DLGAP1: variants seen among roughly 807,000 people sequenced by gnomAD.
The protein encoded by DLGAP1 is DLG associated protein 1.
A neutral mutation model predicts 90.8 loss-of-function variants in DLGAP1; 11 were observed. The ratio of observed to expected loss-of-function variants is 0.12; its 90% confidence interval spans 0.08 to 0.20. The LOEUF (loss-of-function observed/expected upper bound fraction) is 0.20. Among genes scored for constraint, DLGAP1 ranks in the 10% least tolerant of loss-of-function variants. The pLI, the probability that DLGAP1 is intolerant of heterozygous loss-of-function variation, is 1.00. For synonymous variants in DLGAP1, 558 were observed against 540.7 expected (o/e 1.03, Z -0.44); for missense variants, 1,050 against 1,333.8 (o/e 0.79, Z 3.31).
At chr18:4,109,975 C>T (rs887511712) in intron 2 of DLGAP1, among the ~76,000 whole-genome samples, 4 of 151,562 alleles carry the variant, frequency 2.6e-5, no homozygotes, top group Non-Finnish European at 5.9e-5. Flanking sequence ...TGTATACATA[C>T]ATATATGTTT....
chr18:3,547,039 C>T (rs1237794), intron 9 of DLGAP1, among the ~76,000 whole-genome samples: 3 of 151,838 alleles, frequency 2.0e-5, no homozygotes, highest in Non-Finnish European at 4.4e-5. Flanking sequence ...CGGTGGCTCA[C>T]GCCTGTAATC....
At chr18:3,582,420 C>G (rs2055573419) in intron 7 of DLGAP1, among the ~76,000 whole-genome samples, 172 bp from the exon 8 acceptor site, 1 of 152,070 alleles carries the variant, frequency 6.6e-6, no homozygotes, top group Non-Finnish European at 1.5e-5. Context: ...TGGTTTGGGT[C>G]TCCTCTGAGG....
At chr18:4,210,148 T>C (rs1157290) in intron 1 of DLGAP1, among the ~76,000 whole-genome samples, 94,307 of 152,038 alleles carry the variant, frequency 0.62, 29,767 homozygotes, top group East Asian at 0.82. Flanking sequence ...TCTCATGAAT[T>C]GTAATTTTAA....
chr18:3,606,278 G>A (rs1273388176), intron 7 of DLGAP1, among the ~76,000 whole-genome samples: 2 of 152,066 alleles, frequency 1.3e-5, no homozygotes, highest in Non-Finnish European at 2.9e-5. Context: ...ATGAAACTGG[G>A]CCCCGCTTCT....
chr18:4,062,501 C>T (rs1364010233), intron 2 of DLGAP1, among the ~76,000 whole-genome samples: 1 of 152,106 alleles, frequency 6.6e-6, no homozygotes, highest in Non-Finnish European at 1.5e-5. Flanking sequence ...CCAACTCATA[C>T]ATGTATTTGA....
chr18:3,845,581 C>T, intron 4 of DLGAP1: 1 of 985,466 alleles, frequency 1.0e-6, no homozygotes, highest in Non-Finnish European at 1.2e-6. Flanking sequence ...GGCATGCTCA[C>T]TGTCCCAGCA....
At position 3,902,725 on chromosome 18, in the gene DLGAP1, GTCAGACAT is replaced by G. The variant is rs540125389; in HGVS notation, c.-72-22593_-72-22586del. Among the ~76,000 whole-genome samples the G allele has an allele frequency of 2.6e-5, 4 of 152,256 alleles. No individual in the cohort carries two copies. In the South Asian group the frequency reaches 8.3e-4, roughly 32 times the overall value. On this transcript the variant is annotated intron_variant, in intron 3 of 12. Transcript: ENST00000315677. ...AAAACTAAAAGACATTTTAGTTTTA[GTCAGACAT>G]TCAAAGTCCTCCAGAAGCTGGCTCC...
intron 1 of DLGAP1, among the ~76,000 whole-genome samples, chr18:4,416,426 A>C (rs1478658567): frequency 3.3e-5 from 5 of 152,192 alleles, no homozygotes; most frequent in South Asian, 2.1e-4. Flanking sequence ...TGAAAAATAA[A>C]GGAATTACAG....
At chr18:4,275,114 G>A (rs1204096563) in intron 1 of DLGAP1, among the ~76,000 whole-genome samples, 1 of 152,170 alleles carries the variant, frequency 6.6e-6, no homozygotes, top group Non-Finnish European at 1.5e-5. Context: ...TACTAGTAAT[G>A]AGAGAGTATC....
intron 1 of DLGAP1, among the ~76,000 whole-genome samples, chr18:4,245,924 A>G (rs2078644839): frequency 6.8e-6 from 1 of 146,596 alleles, no homozygotes; most frequent in African/African-American, 2.4e-5. Context: ...GCAAGTCTCC[A>G]AGTCATCCTC....
chr18:3,911,256 T>C (rs1245009269), intron 3 of DLGAP1, among the ~76,000 whole-genome samples: 1 of 152,208 alleles, frequency 6.6e-6, no homozygotes. Flanking sequence ...TGCACAGTAG[T>C]TGGCTTATCA....
At chr18:4,234,494 A>G (rs1036863773) in intron 1 of DLGAP1, among the ~76,000 whole-genome samples, 2 of 152,186 alleles carry the variant, frequency 1.3e-5, no homozygotes, top group Admixed American at 1.3e-4. Flanking sequence ...TTTCAAATGT[A>G]TAAACTCTTC....
At chr18:3,803,986 A>G (rs1166678982) in intron 5 of DLGAP1, among the ~76,000 whole-genome samples, 1 of 81,828 alleles carries the variant, frequency 1.2e-5, no homozygotes, top group Non-Finnish European at 2.6e-5. Context: ...ATATATATAT[A>G]TATATATATA....
intron 3 of DLGAP1, among the ~76,000 whole-genome samples, chr18:3,990,413 T>A (rs1568337843): frequency 7.0e-6 from 1 of 143,822 alleles, no homozygotes. Flanking sequence ...ATGTTCTCAC[T>A]CATAGGTGGG....
intron 7 of DLGAP1, among the ~76,000 whole-genome samples, chr18:3,617,500 T>C (rs973752454): frequency 6.7e-6 from 1 of 149,736 alleles, no homozygotes; most frequent in Non-Finnish European, 1.5e-5. Context: ...CTTGGGAGGC[T>C]GAGGCAGAAG....
chr18:4,362,783 T>G (rs1234150270), intron 1 of DLGAP1, among the ~76,000 whole-genome samples: 1 of 152,058 alleles, frequency 6.6e-6, no homozygotes, highest in Non-Finnish European at 1.5e-5. Flanking sequence ...ATGAAAATGT[T>G]CAAAAATAAC....
At chr18:3,726,070 TG>T (rs2062165393) in intron 7 of DLGAP1, among the ~76,000 whole-genome samples, 1 of 152,158 alleles carries the variant, frequency 6.6e-6, no homozygotes, top group East Asian at 1.9e-4. Flanking sequence ...ACCTAATAAG[TG>T]CAGTTGACAA....
rs945336462 is a variant in DLGAP1, at chr18:3,786,970, T to C, written c.1172+27089A>G. Reference sequence around the variant, plus strand: ...GTGTGTTGTTCGCATTTTTACATTGTCTTAGATGAAAGCAGTGAATAAGTA... The same window carrying C: ...GTGTGTTGTTCGCATTTTTACATTGCCTTAGATGAAAGCAGTGAATAAGTA... On this transcript the variant is annotated intron_variant, in intron 5 of 12. Coordinates refer to ENST00000315677, the MANE Select transcript of DLGAP1 (RefSeq NM_004746.4). 1.2e-4 allele frequency among the ~76,000 whole-genome samples: 18 copies of C among 152,290 alleles called. 1 individual carries two copies. Among genetic ancestry groups the C allele is most frequent in the Admixed American group, 6.5e-4 (10 of 15,302 alleles).
At chr18:4,095,118 T>C (rs2075655758) in intron 2 of DLGAP1, among the ~76,000 whole-genome samples, 1 of 152,156 alleles carries the variant, frequency 6.6e-6, no homozygotes. Context: ...CCTGAGAGCA[T>C]TTGAAATTTC....
Sources: allele counts gnomAD v4.1 joint callset (sites outside exome capture counted in the v4.1 genomes callset), GRCh38; gene constraint gnomAD v4.1.1; transcripts MANE v1.5; gene names NCBI Gene and HGNC (gene_info 2026-07-23, HGNC 2026-07-21).